The following NME7 variants were observed in gnomAD, a reference collection of about 807,000 sequenced individuals.
NME7 encodes the protein NME/NM23 family member 7.
NME7 carries 41 observed loss-of-function variants against 49.1 expected under a neutral mutation model. The ratio of observed to expected loss-of-function variants is 0.83; its 90% confidence interval spans 0.65 to 1.08. NME7 has a LOEUF of 1.08. Among genes scored for constraint, NME7 ranks in the 50% least tolerant of loss-of-function variants. The pLI is 0.00. For missense variants in NME7, 423 were observed against 463.4 expected (o/e 0.91, Z 0.80); for synonymous variants, 139 against 150.6 (o/e 0.92, Z 0.56).
intron 5 of NME7, among the ~76,000 whole-genome samples, chr1:169,302,724 C>G (rs1650996978): frequency 6.6e-6 from 1 of 151,780 alleles, no homozygotes; most frequent in Non-Finnish European, 1.5e-5. Context: ...CACAATATAC[C>G]CAGGTAACAA....
intron 11 of NME7, among the ~76,000 whole-genome samples, chr1:169,160,184 C>T (rs994633904): frequency 6.6e-6 from 1 of 152,144 alleles, no homozygotes; most frequent in African/African-American, 2.4e-5. Flanking sequence ...CTTGGCCCAT[C>T]TACTTTATCC....
chr1:169,199,818 G>A (rs1356701832), intron 10 of NME7, among the ~76,000 whole-genome samples: 1 of 151,980 alleles, frequency 6.6e-6, no homozygotes, highest in African/African-American at 2.4e-5. Context: ...TTTTAGAGTT[G>A]GAAGGAGAAG....
intron 6 of NME7, among the ~76,000 whole-genome samples, chr1:169,290,922 C>T (rs1256678928): frequency 6.6e-6 from 1 of 152,120 alleles, no homozygotes; most frequent in African/African-American, 2.4e-5. Flanking sequence ...AAGCTCATCA[C>T]TGGTCATTAG....
At chr1:169,350,291 A>AAG (rs1653117581) in intron 1 of NME7, among the ~76,000 whole-genome samples, 1 of 151,892 alleles carries the variant, frequency 6.6e-6, no homozygotes, top group Non-Finnish European at 1.5e-5. Flanking sequence ...GGAAGGAAAG[A>AAG]GCCCTGCTCT....
intron 2 of NME7, 107 bp from the exon 3 acceptor site, chr1:169,323,390 A>G (rs1651929993): frequency 1.4e-5 from 12 of 874,660 alleles, no homozygotes; most frequent in East Asian, 2.9e-5. Flanking sequence ...CTTATCAAAG[A>G]TAGGTTATAT....
chr1:169,163,890 C>G (rs1232242887), intron 11 of NME7, among the ~76,000 whole-genome samples: 1 of 152,060 alleles, frequency 6.6e-6, no homozygotes, highest in African/African-American at 2.4e-5. Flanking sequence ...GCGGGCAGAT[C>G]ACAAGGTCAG....
chr1:169,290,757 A>C (rs556339158), intron 6 of NME7, among the ~76,000 whole-genome samples: 5 of 152,322 alleles, frequency 3.3e-5, no homozygotes, highest in South Asian at 4.1e-4. Context: ...AAATTTTTGC[A>C]ATCTGTTCAT....
intron 10 of NME7, among the ~76,000 whole-genome samples, chr1:169,226,312 C>T (rs548108473): frequency 1.4e-4 from 21 of 152,198 alleles, no homozygotes; most frequent in African/African-American, 4.8e-4. Flanking sequence ...AAAAAACAAA[C>T]CTGTATTGGT....
At chr1:169,290,290 T>C (rs1040399235) in intron 6 of NME7, among the ~76,000 whole-genome samples, 6 of 151,976 alleles carry the variant, frequency 3.9e-5, no homozygotes, top group Non-Finnish European at 7.4e-5. Flanking sequence ...ATGAATATCA[T>C]TTCTGTAAAT....
intron 10 of NME7, among the ~76,000 whole-genome samples, chr1:169,226,620 G>A (rs1266148118): frequency 6.6e-6 from 1 of 152,148 alleles, no homozygotes; most frequent in Non-Finnish European, 1.5e-5. Flanking sequence ...TCAGGAGTCT[G>A]AGACACAAGA....
intron 10 of NME7, among the ~76,000 whole-genome samples, chr1:169,205,284 A>G (rs1660643083): frequency 6.6e-6 from 1 of 152,094 alleles, no homozygotes; most frequent in South Asian, 2.1e-4. Context: ...CATCACATAT[A>G]TGTATGAAAA....
chr1:169,309,321 T>C (rs1452221563), intron 4 of NME7, among the ~76,000 whole-genome samples: 1 of 152,142 alleles, frequency 6.6e-6, no homozygotes, highest in Non-Finnish European at 1.5e-5. Flanking sequence ...AATAAAAGGT[T>C]CCCTTTACAA....
chr1:169,237,186 A>C (rs1647890681), intron 8 of NME7, among the ~76,000 whole-genome samples: 1 of 152,080 alleles, frequency 6.6e-6, no homozygotes, highest in South Asian at 2.1e-4. Flanking sequence ...AAAGTCCAAA[A>C]ACCAGCAAAA....
chr1:169,250,724 T>C (rs1648532331), intron 7 of NME7, among the ~76,000 whole-genome samples: 2 of 152,176 alleles, frequency 1.3e-5, no homozygotes, highest in East Asian at 1.9e-4. Flanking sequence ...TTGATTTCAC[T>C]GTTAACTCAA....
intron 3 of NME7, among the ~76,000 whole-genome samples, chr1:169,312,195 T>C (rs1651419612): frequency 6.6e-6 from 1 of 152,216 alleles, no homozygotes; most frequent in South Asian, 2.1e-4. Context: ...CTGGGGGCTG[T>C]GCTCAGCTGA....
intron 10 of NME7, among the ~76,000 whole-genome samples, chr1:169,212,797 G>A (rs900568705): frequency 6.6e-6 from 1 of 151,426 alleles, no homozygotes; most frequent in African/African-American, 2.4e-5. Flanking sequence ...TTTTGTTTTC[G>A]TTTTAAATAT....
intron 10 of NME7, among the ~76,000 whole-genome samples, chr1:169,218,982 T>C (rs1365179947): frequency 6.6e-6 from 1 of 152,174 alleles, no homozygotes; most frequent in Non-Finnish European, 1.5e-5. Flanking sequence ...AGACTTTCCT[T>C]AGGGAAACTT....
Position 169,132,739 on chromosome 1 carries a change from T to C in NME7, c.*46A>G, listed in dbSNP as rs770035732. On this transcript the variant is annotated 3_prime_UTR_variant, in exon 12 of 12. Coordinates refer to ENST00000367811, the MANE Select transcript of NME7 (RefSeq NM_013330.5). Reference sequence around the variant, plus strand: ...AACACATTCCTCGTGTGTGATTCACTCTTGTCTAAATGTCCCAACCTGTGA... The same window carrying C: ...AACACATTCCTCGTGTGTGATTCACCCTTGTCTAAATGTCCCAACCTGTGA... 8.3e-6 allele frequency: 13 copies of C among 1,573,834 alleles called. No individual in the cohort carries two copies. In the Middle Eastern group the frequency reaches 8.4e-4, roughly 101 times the overall value.
chr1:169,183,540 G>T (rs879434450), intron 10 of NME7, among the ~76,000 whole-genome samples: 1 of 152,116 alleles, frequency 6.6e-6, no homozygotes, highest in African/African-American at 2.4e-5. Context: ...AGTGGCTCAC[G>T]CCTGTAATCC....
Sources: gnomAD v4.1 joint callset for allele counts (sites outside exome capture counted in the v4.1 genomes callset) on GRCh38, gnomAD v4.1.1 for gene constraint, MANE v1.5 for transcripts, NCBI Gene and HGNC (gene_info 2026-07-23, HGNC 2026-07-21) for gene names.